Variants in KAT6B observed in about 807,000 individuals in gnomAD.
KAT6B encodes lysine acetyltransferase 6B, also known as histone acetyltransferase KAT6B.
Under a neutral mutation model 187.5 loss-of-function variants are expected in KAT6B, and 10 were observed. The ratio of observed to expected loss-of-function variants is 0.05; its 90% CI spans 0.03 to 0.09. The LOEUF (loss-of-function observed/expected upper bound fraction) is 0.09, where lower values mean the gene tolerates loss of function less well. Among genes scored for constraint, KAT6B ranks in the 10% least tolerant of loss-of-function variants. The pLI is 1.00. For synonymous variants in KAT6B, 861 were observed against 926.8 expected (o/e 0.93, Z 1.29); for missense variants, 1,952 against 2,558.9 (o/e 0.76, Z 5.12).
At chr10:74,939,965 A>T (rs1849545993) in intron 3 of KAT6B, among the ~76,000 whole-genome samples, 1 of 152,210 alleles carries the variant, frequency 6.6e-6, no homozygotes, top group Non-Finnish European at 1.5e-5. Context: ...AATTAGGATG[A>T]GACTGGGACT....
intron 3 of KAT6B, among the ~76,000 whole-genome samples, chr10:74,883,762 G>A (rs544575998): frequency 1.3e-5 from 2 of 152,228 alleles, no homozygotes; most frequent in Admixed American, 1.3e-4. Flanking sequence ...TGGATGACCT[G>A]GTCCTCTGCC....
Position 75,030,787 on chromosome 10 carries a change from C to T in KAT6B, c.5963C>T (p.Thr1988Ile). 1 of 1,614,224 alleles carries T rather than the reference C, an allele frequency of 6.2e-7. No individual in the cohort carries two copies. Among genetic ancestry groups the T allele is most frequent in the Non-Finnish European group, 8.5e-7 (1 of 1,180,036 alleles). ...NVNSVNMNMN[T>I]LNAMNGYSMS... ...AACTCTGTGAACATGAACATGAACACTCTCAACGCCATGAATGGGTACAGC... is the reference window on the plus strand; with the variant it reads ...AACTCTGTGAACATGAACATGAACATTCTCAACGCCATGAATGGGTACAGC... Residue 1988 changes from threonine (T) to isoleucine (I), a missense_variant, in exon 18 of 18, where the codon ACT becomes ATT. Transcript: ENST00000287239. The surrounding 1 kb of genome is among the most constrained non-coding windows in gnomAD (Gnocchi z 4.8).
At chr10:74,869,580 C>T (rs1262274492) in intron 3 of KAT6B, among the ~76,000 whole-genome samples, 1 of 152,238 alleles carries the variant, frequency 6.6e-6, no homozygotes, top group Non-Finnish European at 1.5e-5. Flanking sequence ...GCCACCACGC[C>T]TGGCTTTAAA....
intron 3 of KAT6B, among the ~76,000 whole-genome samples, chr10:74,942,378 C>G (rs907820204): frequency 6.6e-6 from 1 of 151,878 alleles, no homozygotes; most frequent in Non-Finnish European, 1.5e-5. Context: ...TAAGGAAAAA[C>G]AATCAACAAA....
intron 3 of KAT6B, among the ~76,000 whole-genome samples, chr10:74,935,083 G>A (rs1205496508): frequency 1.3e-5 from 2 of 152,338 alleles, no homozygotes; most frequent in Admixed American, 6.5e-5. Flanking sequence ...AACAATTTCT[G>A]TGCTGCACAA....
chr10:74,941,131 ATCT>A (rs1487282097), intron 3 of KAT6B, among the ~76,000 whole-genome samples: 2 of 152,178 alleles, frequency 1.3e-5, no homozygotes, highest in Non-Finnish European at 2.9e-5. Flanking sequence ...CTTGGTAGGA[ATCT>A]TCTTCTACTA....
intron 13 of KAT6B, among the ~76,000 whole-genome samples, chr10:74,998,212 C>CG (rs1351860449): frequency 0.074 from 5 of 68 alleles, no homozygotes; most frequent in African/African-American, 0.23. Flanking sequence ...CCTTGGCCTC[C>CG]CAAGTGTGGG....
upstream of KAT6B, among the ~76,000 whole-genome samples, chr10:74,825,160 C>T (rs1840096531): frequency 1.3e-5 from 2 of 152,204 alleles, no homozygotes; most frequent in Admixed American, 1.3e-4. The surrounding 1 kb of genome is among the most constrained non-coding windows in gnomAD (Gnocchi z 5.0). Context: ...CGCCCGAAGG[C>T]GCAAAGCCTG....
At position 74,960,239 on chromosome 10, in the gene KAT6B, C is replaced by T. The variant is rs565412125; in HGVS notation, c.730+161C>T. On this transcript the variant is annotated intron_variant, in intron 4 of 17. Transcript: ENST00000287239. ...AAAAAGTAAGGAATAGAGAAAAAAG[C>T]GTGAGTATGTTAGTACTGACATATG... 6.6e-5 allele frequency among the ~76,000 whole-genome samples: 10 copies of T among 152,122 alleles called. No individual in the cohort carries two copies. The South Asian group carries it at 1.2e-3, about 19-fold the overall frequency.
At chr10:74,834,063 A>G (rs901567895) in intron 1 of KAT6B, among the ~76,000 whole-genome samples, 5 of 152,168 alleles carry the variant, frequency 3.3e-5, no homozygotes, top group Non-Finnish European at 5.9e-5. Flanking sequence ...GAGTGATTCA[A>G]ACATTCAACA....
At chr10:75,000,646 CAGTT>C (rs754594327) in intron 13 of KAT6B, among the ~76,000 whole-genome samples, 7 of 152,104 alleles carry the variant, frequency 4.6e-5, no homozygotes, top group Non-Finnish European at 8.8e-5. Flanking sequence ...AGTTAAATAT[CAGTT>C]AATTGTACAT....
intron 13 of KAT6B, among the ~76,000 whole-genome samples, chr10:75,011,550 A>G (rs1408245482): frequency 6.6e-6 from 1 of 152,194 alleles, no homozygotes; most frequent in Non-Finnish European, 1.5e-5. Context: ...ACATCAACAT[A>G]TTTTTAAAAA....
At chr10:74,866,460 G>C (rs1044744106) in intron 3 of KAT6B, among the ~76,000 whole-genome samples, 1 of 151,972 alleles carries the variant, frequency 6.6e-6, no homozygotes, top group Non-Finnish European at 1.5e-5. Context: ...GCATACCAGT[G>C]TTCATTATGC....
At chr10:74,898,056 T>C (rs1389918926) in intron 3 of KAT6B, among the ~76,000 whole-genome samples, 3 of 152,166 alleles carry the variant, frequency 2.0e-5, no homozygotes, top group Non-Finnish European at 4.4e-5. Flanking sequence ...TTTTTCTTTG[T>C]CAACAATAAA....
rs778305732 is a variant in KAT6B at position 74,985,111 on chromosome 10, A to G, written c.2405A>G (p.Gln802Arg). The change falls in exon 12 of 18, where the codon CAA becomes CGA. Residue 802 changes from glutamine to arginine, a missense_variant. Gln to Arg is a conservative substitution (Grantham distance 43). Around this residue, in one of 9 missense-constraint regions of KAT6B, gnomAD observed 87 missense variants for 191.8 expected, o/e 0.45. Transcript: ENST00000287239. ...VDGNMSKIYCQNLCLLAKLFL... is the reference protein window; with the variant it reads ...VDGNMSKIYCRNLCLLAKLFL... ...GGGAATATGAGCAAAATTTATTGCC[A>G]AAACCTTTGCTTGTTAGCCAAGCTC... is the stretch of plus-strand genomic sequence containing the variant. The G allele has an allele frequency of 9.9e-6, 16 of 1,614,178 alleles. No homozygotes were observed. Among genetic ancestry groups the G allele is most frequent in the Non-Finnish European group, 1.3e-5 (15 of 1,180,008 alleles).
intron 3 of KAT6B, among the ~76,000 whole-genome samples, chr10:74,938,049 C>T (rs1241289141): frequency 6.6e-6 from 1 of 152,170 alleles, no homozygotes; most frequent in African/African-American, 2.4e-5. Flanking sequence ...GGGCTCAAGC[C>T]ATCCTCCCTC....
chr10:74,864,461 G>T (rs573920944), intron 3 of KAT6B, among the ~76,000 whole-genome samples: 1 of 152,080 alleles, frequency 6.6e-6, no homozygotes, highest in East Asian at 1.9e-4. Flanking sequence ...GGCTGGTCTC[G>T]AACTCCTGAC....
At chr10:74,831,853 A>G (rs1011824059) in intron 1 of KAT6B, among the ~76,000 whole-genome samples, 3 of 152,258 alleles carry the variant, frequency 2.0e-5, no homozygotes, top group African/African-American at 4.8e-5. Context: ...ATTTAGTAGC[A>G]TGTCCAATAT....
intron 3 of KAT6B, among the ~76,000 whole-genome samples, chr10:74,925,533 T>C (rs1198821028): frequency 2.0e-5 from 3 of 152,062 alleles, no homozygotes; most frequent in African/African-American, 7.2e-5. Context: ...AACCTATGCC[T>C]GGAAATTGAG....
Sources: gnomAD v4.1 joint callset for allele counts (sites outside exome capture counted in the v4.1 genomes callset) on GRCh38, gnomAD v4.1.1 for gene constraint, gnomAD v4.1.1 regional missense constraint, Gnocchi (gnomAD v3.1) non-coding constraint, MANE v1.5 for transcripts, NCBI Gene and HGNC (gene_info 2026-07-23, HGNC 2026-07-21) for gene names.